PPHLN1: variants seen among roughly 807,000 people sequenced by gnomAD.
The protein encoded by PPHLN1 is periphilin 1, also known as periphilin-1.
In PPHLN1, 29 loss-of-function variants were observed where a neutral mutation model predicts 51.3. The observed-to-expected ratio is 0.57, with a 90% confidence interval of 0.42 to 0.77. The LOEUF (loss-of-function observed/expected upper bound fraction) is 0.77. PPHLN1 is among the 30% of genes least tolerant of loss of function. The pLI is 0.00. For missense variants in PPHLN1, 436 were observed against 438.4 expected (o/e 0.99, Z 0.05); for synonymous variants, 147 against 147.8 (o/e 0.99, Z 0.04).
rs1422264155 is a variant in PPHLN1 at position 42,441,329 on chromosome 12, CTG to C, written c.927_928del (p.Cys309Ter). 1.2e-6 allele frequency: 2 copies of C among 1,611,770 alleles called. No individual in the cohort carries two copies. The highest frequency in any genetic ancestry group is 1.7e-6 in the Non-Finnish European group (2 of 1,178,368). ...KEIEQVYRQD[C>X]ETFGMVVKML... Reference sequence around the variant, plus strand: ...TTACCTTTTAGGTTTACCGACAAGACTGTGAAACTTTCGGGATGGTGGTGAAA... The same window carrying C: ...TTACCTTTTAGGTTTACCGACAAGACTGAAACTTTCGGGATGGTGGTGAAA... On this transcript the variant is annotated frameshift_variant, in exon 10 of 10. Coordinates refer to ENST00000358314, the MANE Select transcript of PPHLN1 (RefSeq NM_201439.2). LOFTEE classifies it high-confidence loss of function.
intron 9 of PPHLN1, among the ~76,000 whole-genome samples, chr12:42,429,355 C>CT (rs1239588734): frequency 6.6e-6 from 1 of 152,112 alleles, no homozygotes; most frequent in Non-Finnish European, 1.5e-5. Context: ...TATTTTAAGT[C>CT]TAAGAATTTG....
At chr12:42,340,880 A>G (rs2071379285) in intron 2 of PPHLN1, among the ~76,000 whole-genome samples, 1 of 152,220 alleles carries the variant, frequency 6.6e-6, no homozygotes, top group South Asian at 2.1e-4. Flanking sequence ...AGTGCTTGGA[A>G]TAGAGGAAGG....
chr12:42,340,166 T>C (rs2071254223), intron 2 of PPHLN1, among the ~76,000 whole-genome samples: 1 of 151,778 alleles, frequency 6.6e-6, no homozygotes. Context: ...AAATTAGCCA[T>C]GCATAGTAGC....
chr12:42,374,223 G>A (rs2076045471), intron 4 of PPHLN1, among the ~76,000 whole-genome samples: 1 of 152,116 alleles, frequency 6.6e-6, no homozygotes. Context: ...GTGGTGTATT[G>A]TTAATGGCAA....
Position 42,351,991 on chromosome 12 carries a change from A to G in PPHLN1, c.179A>G (p.Asp60Gly). Residue 60 changes from aspartate (D) to glycine (G), a missense_variant, in exon 3 of 10, where the codon GAC (aspartate) becomes GGC (glycine). Coordinates refer to ENST00000358314, the MANE Select transcript of PPHLN1 (RefSeq NM_201439.2). ...NRYYSHVDYR[D>G]YDEGRSFSHD... ...TATTACAGTCATGTTGATTACCGAG[A>G]CTATGACGAGGGCCGCAGTTTTTCT... 1 of 1,570,910 alleles carries G rather than the reference A, an allele frequency of 6.4e-7. No individual in the cohort carries two copies. The highest frequency in any genetic ancestry group is 2.4e-5 in the East Asian group (1 of 42,220).
At chr12:42,346,626 G>A (rs904224748) in intron 2 of PPHLN1, among the ~76,000 whole-genome samples, 2 of 152,112 alleles carry the variant, frequency 1.3e-5, no homozygotes, top group Non-Finnish European at 2.9e-5. Context: ...GGATTACTAG[G>A]TCATGTGGTA....
At chr12:42,432,014 A>T in intron 9 of PPHLN1, 1 of 1,508,324 alleles carries the variant, frequency 6.6e-7, no homozygotes. Flanking sequence ...CGCTGTATGG[A>T]TTGCTGTCTG....
rs965736203 is a variant in PPHLN1, at chr12:42,328,511, C to T, written c.-21+2282C>T. On this transcript the variant is annotated intron_variant, in intron 1 of 9. Coordinates refer to ENST00000358314, the MANE Select transcript of PPHLN1 (RefSeq NM_201439.2). ...TTCCATCCATATATGAAATAAAATT[C>T]AGATTTATAAATATTATATGTAGGC... 1.4e-4 allele frequency among the ~76,000 whole-genome samples: 21 copies of T among 152,224 alleles called. 1 individual carries two copies. The highest frequency in any genetic ancestry group is 1.2e-3 in the South Asian group (6 of 4,820).
At chr12:42,403,769 T>C (rs779107442) in intron 9 of PPHLN1, among the ~76,000 whole-genome samples, 3 of 152,222 alleles carry the variant, frequency 2.0e-5, no homozygotes. Context: ...TACCCAGTTA[T>C]AAAGCAGTTC....
downstream of PPHLN1, chr12:42,446,295 T>C (rs1015418398): frequency 6.4e-7 from 1 of 1,570,586 alleles, no homozygotes; most frequent in Non-Finnish European, 8.6e-7. Context: ...CGCAAGGTAT[T>C]GGTCCTTTTT....
At chr12:42,442,626 C>G (rs368929489), downstream of PPHLN1, 2 of 1,613,600 alleles carry the variant, frequency 1.2e-6, no homozygotes, top group Non-Finnish European at 1.7e-6. Context: ...TCCTTTCATC[C>G]GGTCGCTCGG....
chr12:42,382,916 A>G (rs1377382960), intron 5 of PPHLN1, among the ~76,000 whole-genome samples: 1 of 152,214 alleles, frequency 6.6e-6, no homozygotes. Context: ...AAGAGTTTTA[A>G]GTACAGTGGT....
intron 9 of PPHLN1, among the ~76,000 whole-genome samples, chr12:42,440,094 T>G (rs11181506): frequency 0.2 from 29,800 of 149,040 alleles, 3,375 homozygotes; most frequent in African/African-American, 0.3. Context: ...TTATATTTAT[T>G]TATATTAATA....
At chr12:42,365,760 A>G (rs1327076885) in intron 4 of PPHLN1, among the ~76,000 whole-genome samples, 1 of 152,190 alleles carries the variant, frequency 6.6e-6, no homozygotes, top group Non-Finnish European at 1.5e-5. Flanking sequence ...AGCCAAAGAC[A>G]CTGTCCTAAC....
At chr12:42,410,325 T>A (rs1360807764) in intron 9 of PPHLN1, among the ~76,000 whole-genome samples, 4 of 152,216 alleles carry the variant, frequency 2.6e-5, no homozygotes, top group East Asian at 3.8e-4. Flanking sequence ...CTGATTTTTT[T>A]AAACTTTGTT....
chr12:42,360,838 C>T (rs2074597016), intron 4 of PPHLN1, among the ~76,000 whole-genome samples: 1 of 151,982 alleles, frequency 6.6e-6, no homozygotes, highest in Non-Finnish European at 1.5e-5. Flanking sequence ...TGTTTGTGTC[C>T]TTATTGGTAT....
At chr12:42,326,255 G>A (rs1049468782) in intron 1 of PPHLN1, 26 bp downstream of exon 1, 4 of 151,958 alleles carry the variant, frequency 2.6e-5, no homozygotes, top group Non-Finnish European at 5.9e-5. Context: ...CTTTCCCAGA[G>A]ATGGATGCAG....
intron 4 of PPHLN1, among the ~76,000 whole-genome samples, chr12:42,363,552 G>A (rs1272810175): frequency 1.3e-5 from 2 of 151,340 alleles, no homozygotes; most frequent in East Asian, 1.9e-4. Context: ...TAATGGAAGC[G>A]TGGAATCATT....
At chr12:42,439,113 A>G (rs1272321980) in intron 9 of PPHLN1, among the ~76,000 whole-genome samples, 1 of 152,202 alleles carries the variant, frequency 6.6e-6, no homozygotes, top group African/African-American at 2.4e-5. Context: ...AGTCGTCACC[A>G]AACTCAAGAT....
Sources: gnomAD v4.1 joint callset for allele counts (sites outside exome capture counted in the v4.1 genomes callset) on GRCh38, gnomAD v4.1.1 for gene constraint, MANE v1.5 for transcripts, NCBI Gene and HGNC (gene_info 2026-07-23, HGNC 2026-07-21) for gene names.